The following PKD2 variants were observed in gnomAD, a reference collection of about 807,000 sequenced individuals.
PKD2 encodes the protein polycystin-2.
Under a neutral mutation model 105.9 loss-of-function variants are expected in PKD2, and 48 were observed. The ratio of observed to expected loss-of-function variants is 0.45; its 90% CI spans 0.36 to 0.58. The LOEUF (loss-of-function observed/expected upper bound fraction) is 0.58. Among genes scored for constraint, PKD2 ranks in the 20% least tolerant of loss-of-function variants. The pLI, the probability that PKD2 is intolerant of heterozygous loss-of-function variation, is 0.00. For missense variants in PKD2, 1,078 were observed against 1,255.3 expected, an observed-to-expected ratio of 0.86 and a Z score of 2.13; for synonymous variants, 464 against 481.1, an observed-to-expected ratio of 0.96 and a Z score of 0.46.
At position 88,074,874 on chromosome 4, in the gene PKD2, C is replaced by A; in HGVS notation, c.2585C>A (p.Ala862Asp). The change falls in exon 14 of 15, where the codon GCC (alanine) becomes GAC (aspartate). Residue 862 changes from alanine (A) to aspartate (D), a missense_variant. Transcript: ENST00000237596. ...SIGSIVSKID[A>D]VIVKLEIMER... ...GGCAGCATAGTGTCCAAGATTGACG[C>A]CGTGATCGTGAAGCTAGAGATTATG... 6.2e-7 allele frequency: 1 copy of A among 1,614,066 alleles called. No homozygotes were observed. Among genetic ancestry groups the A allele is most frequent in the East Asian group, 2.2e-5 (1 of 44,874 alleles).
In PKD2 at chr4:88,070,597, TATATAGAGAGAG is replaced by T. The variant is rs1482650934; in HGVS notation, c.2522+2538_2522+2549del. Among the ~76,000 whole-genome samples the T allele has an allele frequency of 2.4e-3, 234 of 99,112 alleles. 1 individual carries two copies. The highest frequency in any genetic ancestry group is 2.9e-3 in the Non-Finnish European group (146 of 49,960). 65.0% of individuals were successfully genotyped at this position (99,112 alleles called of 152,430 possible). On this transcript the variant is annotated intron_variant, in intron 13 of 14. Coordinates refer to ENST00000237596, the MANE Select transcript of PKD2 (RefSeq NM_000297.4). ...TTTTATATATATATATATATATATA[TATATAGAGAGAG>T]AGAGAGAGAGAGAGAGAGAAAGAGA...
chr4:88,070,591 T>TAC (rs1380301242), intron 13 of PKD2, among the ~76,000 whole-genome samples: 1 of 104,202 alleles, frequency 9.6e-6, no homozygotes, highest in Non-Finnish European at 2.0e-5. Context: ...TATATATATA[T>TAC]ATATATATAT....
intron 1 of PKD2, among the ~76,000 whole-genome samples, chr4:88,012,532 C>T (rs927718816): frequency 6.6e-6 from 1 of 152,084 alleles, no homozygotes; most frequent in Non-Finnish European, 1.5e-5. Context: ...GAGAGCCTGC[C>T]TCTCTATTTT....
Position 88,074,834 on chromosome 4 carries a change from A to T in PKD2, c.2545A>T (p.Met849Leu). 2 of 1,614,104 alleles carry T rather than the reference A, an allele frequency of 1.2e-6. No individual in the cohort carries two copies. Among genetic ancestry groups the T allele is most frequent in the Non-Finnish European group, 1.7e-6 (2 of 1,179,992 alleles). ...CAGCCTGGTGAGACGAGTGGACCGG[A>T]TGGAGCATTCCATCGGCAGCATAGT... ...FQVLVRRVDR[M>L]EHSIGSIVSK... The change falls in exon 14 of 15, where the codon ATG becomes TTG. Residue 849 changes from methionine (M) to leucine (L), a missense_variant. Physicochemically the swap from Met to Leu is conservative, Grantham distance 15. Coordinates refer to ENST00000237596, the MANE Select transcript of PKD2 (RefSeq NM_000297.4).
chr4:88,044,965 A>G (rs1238139306), intron 5 of PKD2, among the ~76,000 whole-genome samples: 1 of 152,250 alleles, frequency 6.6e-6, no homozygotes, highest in Admixed American at 6.5e-5. Flanking sequence ...ATGAAAATCT[A>G]TTGCAGTATT....
At chr4:88,060,792 A>G (rs1056107416) in intron 9 of PKD2, among the ~76,000 whole-genome samples, 8 of 152,212 alleles carry the variant, frequency 5.3e-5, no homozygotes. Context: ...ATTACTGAAT[A>G]GTAATAGTAG....
chr4:88,013,283 G>A (rs1299925271), intron 1 of PKD2, among the ~76,000 whole-genome samples: 1 of 152,142 alleles, frequency 6.6e-6, no homozygotes, highest in Non-Finnish European at 1.5e-5. Flanking sequence ...ACTTTCTTTT[G>A]TGATAGGTAC....
At chr4:88,020,663 C>T (rs1344937227) in intron 2 of PKD2, among the ~76,000 whole-genome samples, 1 of 151,712 alleles carries the variant, frequency 6.6e-6, no homozygotes, top group Non-Finnish European at 1.5e-5. Flanking sequence ...TCCTACCAAA[C>T]TCCTCTGAGA....
intron 2 of PKD2, among the ~76,000 whole-genome samples, chr4:88,021,637 C>T (rs1237007279): frequency 5.9e-5 from 9 of 152,142 alleles, no homozygotes; most frequent in Non-Finnish European, 1.3e-4. Flanking sequence ...GAACAAGAGT[C>T]CCAGGTTAAG....
chr4:88,065,840 T>C lies in PKD2; in HGVS notation c.2319T>C (p.His773=), dbSNP rs1720772445. 1.9e-6 allele frequency: 3 copies of C among 1,613,280 alleles called. No individual in the cohort carries two copies. The highest frequency in any genetic ancestry group is 1.7e-5 in the Admixed American group (1 of 59,986). Residue 773 remains histidine, a synonymous_variant, in exon 12 of 15, where the codon CAT becomes CAC. Coordinates refer to ENST00000237596, the MANE Select transcript of PKD2 (RefSeq NM_000297.4). ...DQDGDQELTE[H]EHQQMRDDLE... ...ATGGAGACCAAGAACTGACCGAACA[T>C]GAACATCAGCAGATGAGAGACGACT...
At position 88,065,398 on chromosome 4, in the gene PKD2, C is replaced by A. The variant is rs943891159; in HGVS notation, c.2143C>A (p.Leu715Ile). The stretch of plus-strand genomic sequence containing the variant: ...GGGCTACCATAAAGCTTTGGTCAAA[C>A]TAAAACTGAAAAAAAATACCGTGGA... ...RKGYHKALVK[L>I]KLKKNTVDDI... Residue 715 changes from leucine to isoleucine, a missense_variant, in exon 11 of 15, where the codon CTA (leucine) becomes ATA (isoleucine). Transcript: ENST00000237596. 6.2e-7 allele frequency: 1 copy of A among 1,612,522 alleles called. No individual in the cohort carries two copies. Among genetic ancestry groups the A allele is most frequent in the African/African-American group, 1.3e-5 (1 of 74,958 alleles).
At chr4:88,010,975 C>T (rs1726363314) in intron 1 of PKD2, among the ~76,000 whole-genome samples, 1 of 152,102 alleles carries the variant, frequency 6.6e-6, no homozygotes, top group South Asian at 2.1e-4. Flanking sequence ...AGTTTCTGAG[C>T]AGGAACAGAA....
intron 5 of PKD2, among the ~76,000 whole-genome samples, chr4:88,043,991 C>A (rs577153607): frequency 6.6e-6 from 1 of 152,254 alleles, no homozygotes; most frequent in South Asian, 2.1e-4. Context: ...GCCATGATGA[C>A]CCCTCTGTGA....
At chr4:88,065,252 G>A (rs1578146978) in intron 10 of PKD2, 122 bp from the exon 11 acceptor site, 18 of 831,660 alleles carry the variant, frequency 2.2e-5, no homozygotes, top group East Asian at 9.8e-5. Flanking sequence ...CATCCAGCAC[G>A]TACTTGTTGA....
chr4:88,050,564 T>A lies in PKD2; in HGVS notation c.1549-1427T>A, dbSNP rs148326198. 9.4e-4 allele frequency among the ~76,000 whole-genome samples: 143 copies of A among 152,342 alleles called. 1 individual carries two copies. Among genetic ancestry groups the A allele is most frequent in the African/African-American group, 3.2e-3 (134 of 41,578 alleles). On this transcript the variant is annotated intron_variant, in intron 6 of 14. Transcript: ENST00000237596. ...TTGTATAAATGACCATCTTCTTCAT[T>A]ATTTTATAAACATTTGTCCTGTGCA...
chr4:88,014,450 G>C (rs1241483800), intron 1 of PKD2, among the ~76,000 whole-genome samples: 1 of 147,830 alleles, frequency 6.8e-6, no homozygotes. Flanking sequence ...CTGGGAATCC[G>C]AGATCAGCCT....
In PKD2 at chr4:88,021,595, G is replaced by A. The variant is rs141044686; in HGVS notation, c.709+2024G>A. ...ATGCTAAATTCTCTTTAAAACATCC[G>A]TCTCAGATGGTTACTCATACTGCCT... On this transcript the variant is annotated intron_variant, in intron 2 of 14. Transcript: ENST00000237596. Among the ~76,000 whole-genome samples, 91 of 152,202 alleles carry A rather than the reference G, an allele frequency of 6.0e-4. No homozygotes were observed. In the East Asian group the frequency reaches 0.011, roughly 18 times the overall value.
rs376416017 is a variant in PKD2 at position 88,019,515 on chromosome 4, A to C, written c.653A>C (p.Lys218Thr). The C allele has an allele frequency of 3.7e-6, 6 of 1,609,230 alleles. No homozygotes were observed. Among genetic ancestry groups the C allele is most frequent in the Non-Finnish European group, 5.1e-6 (6 of 1,175,610 alleles). Reference sequence around the variant, plus strand: ...AGCACTAACCGAGAGAAATACCTTAAAAGTGTTTTACGGGAACTGGTCACA... The same window carrying C: ...AGCACTAACCGAGAGAAATACCTTACAAGTGTTTTACGGGAACTGGTCACA... Reference protein sequence around the residue: ...ESSTNREKYLKSVLRELVTYL... With the variant: ...ESSTNREKYLTSVLRELVTYL... Residue 218 changes from lysine to threonine, a missense_variant, in exon 2 of 15, where the codon AAA becomes ACA. Lys to Thr is a moderately conservative substitution (Grantham distance 78). Transcript: ENST00000237596.
chr4:88,019,568 A>C lies in PKD2; in HGVS notation c.706A>C (p.Ile236Leu), dbSNP rs778367642. 6.9e-7 allele frequency: 1 copy of C among 1,447,538 alleles called. No homozygotes were observed. The highest frequency in any genetic ancestry group is 1.4e-5 in the African/African-American group (1 of 71,754). 89.7% of individuals were successfully genotyped at this position (1,447,538 alleles called of 1,614,324 possible). A position where few individuals can be genotyped will look rare whatever the true frequency, so the allele number is the denominator to read the frequency against. Reference protein sequence around the residue: ...TYLLFLIVLCILTYGMMSSNV... With the variant: ...TYLLFLIVLCLLTYGMMSSNV... ...CCTCCTTTTTCTCATAGTCTTGTGCATCTGTAAGTAGAATATTTCCTTGCA... is the reference window on the plus strand; with the variant it reads ...CCTCCTTTTTCTCATAGTCTTGTGCCTCTGTAAGTAGAATATTTCCTTGCA... Residue 236 changes from isoleucine to leucine, a missense_variant, in exon 2 of 15, where the codon ATC becomes CTC. Coordinates refer to ENST00000237596, the MANE Select transcript of PKD2 (RefSeq NM_000297.4).
Sources: allele counts gnomAD v4.1 joint callset (sites outside exome capture counted in the v4.1 genomes callset), GRCh38; gene constraint gnomAD v4.1.1; transcripts MANE v1.5; gene names NCBI Gene and HGNC (gene_info 2026-07-23, HGNC 2026-07-21).